The following HAUS8 variants were observed in gnomAD, a reference collection of about 807,000 sequenced individuals.
HAUS8 encodes HAUS augmin like complex subunit 8.
In HAUS8, 38 loss-of-function variants were observed where a neutral mutation model predicts 42.9. The ratio of observed to expected loss-of-function variants is 0.89; its 90% CI spans 0.68 to 1.16. The LOEUF (loss-of-function observed/expected upper bound fraction) is 1.16. HAUS8 is among the 50% of genes most tolerant of loss of function. The probability of loss-of-function intolerance (pLI) is 0.00; values close to 1 mark genes in which losing one functional copy is unlikely to be tolerated. For missense variants in HAUS8, 494 were observed against 511.6 expected (o/e 0.97, Z 0.33); for synonymous variants, 199 against 205.8 (o/e 0.97, Z 0.28).
At chr19:17,068,564 C>T (rs1329607835) in intron 3 of HAUS8, among the ~76,000 whole-genome samples, 1 of 152,124 alleles carries the variant, frequency 6.6e-6, no homozygotes, top group Non-Finnish European at 1.5e-5. Flanking sequence ...CTCAGTAGCT[C>T]AAGATCAGCC....
Position 17,069,016 on chromosome 19 carries a change from T to C in HAUS8, c.147+15A>G. 1 of 1,610,884 alleles carries C rather than the reference T, an allele frequency of 6.2e-7. No individual in the cohort carries two copies. On this transcript the variant is annotated intron_variant, in intron 3 of 10. Transcript: ENST00000253669. The stretch of plus-strand genomic sequence containing the variant: ...GCTCAGAACTGCTGCAAATGGAAGC[T>C]GGGTGCGGCCTTACCTTTTGGGTTG...
intron 8 of HAUS8, among the ~76,000 whole-genome samples, chr19:17,058,271 G>A (rs11086052): frequency 0.32 from 49,336 of 152,182 alleles, 8,410 homozygotes; most frequent in South Asian, 0.46. Context: ...ACGTCATCCT[G>A]TTGCTGCTCA....
chr19:17,073,999 C>CAATA (rs2057446358), intron 1 of HAUS8: 1 of 146,230 alleles, frequency 6.8e-6, no homozygotes, highest in South Asian at 2.2e-4. Context: ...GACTCCGTCT[C>CAATA]AATAAATAAA....
Position 17,059,779 on chromosome 19 carries a change from A to C in HAUS8, c.326-128T>G, listed in dbSNP as rs1053600820. ...CATAAATTGAGGAGTATATGGACTT[A>C]TAACAGTCCAGTTAAAGTTGTTCAA... On this transcript the variant is annotated intron_variant, in intron 5 of 10. Transcript: ENST00000253669. 7.9e-5 allele frequency: 55 copies of C among 699,250 alleles called. No homozygotes were observed. In the African/African-American group the frequency reaches 9.9e-4, roughly 13 times the overall value. 43.3% of individuals were successfully genotyped at this position (699,250 alleles called of 1,614,324 possible).
chr19:17,066,633 C>T (rs1003899678), intron 3 of HAUS8, among the ~76,000 whole-genome samples: 1 of 152,114 alleles, frequency 6.6e-6, no homozygotes, highest in African/African-American at 2.4e-5. Context: ...GGAAGATACC[C>T]AGCTGGTGGC....
At chr19:17,067,330 G>C (rs954851638) in intron 3 of HAUS8, among the ~76,000 whole-genome samples, 2 of 152,112 alleles carry the variant, frequency 1.3e-5, no homozygotes, top group Non-Finnish European at 2.9e-5. Context: ...CCACAGATAT[G>C]ACCTTCTAAA....
chr19:17,073,183 C>A (rs1443450161), intron 2 of HAUS8, 91 bp downstream of exon 2: 3 of 1,131,856 alleles, frequency 2.7e-6, no homozygotes, highest in African/African-American at 3.1e-5. Context: ...AAGCCACAGG[C>A]CCCCTTCTCT....
At chr19:17,069,560 C>A (rs149198965) in intron 2 of HAUS8, among the ~76,000 whole-genome samples, 15 of 151,602 alleles carry the variant, frequency 9.9e-5, no homozygotes, top group South Asian at 4.2e-4. Flanking sequence ...CTGAGACATG[C>A]CCAACACCCA....
At chr19:17,057,862 G>A (rs749315485) in intron 8 of HAUS8, among the ~76,000 whole-genome samples, 6 of 152,160 alleles carry the variant, frequency 3.9e-5, no homozygotes, top group Non-Finnish European at 8.8e-5. Flanking sequence ...AACACGACTG[G>A]TGTCTTGTGG....
At chr19:17,050,466 T>C (rs1028623162) in intron 10 of HAUS8, among the ~76,000 whole-genome samples, 1 of 152,096 alleles carries the variant, frequency 6.6e-6, no homozygotes, top group Non-Finnish European at 1.5e-5. Context: ...CATTAAAAAT[T>C]AATCCCCTGG....
At chr19:17,070,449 C>T (rs182239169) in intron 2 of HAUS8, among the ~76,000 whole-genome samples, 3 of 152,318 alleles carry the variant, frequency 2.0e-5, no homozygotes, top group Admixed American at 1.3e-4. Context: ...CCCTGTGCCA[C>T]CAACAACTTG....
At chr19:17,068,302 C>T (rs570491349) in intron 3 of HAUS8, among the ~76,000 whole-genome samples, 11 of 151,878 alleles carry the variant, frequency 7.2e-5, no homozygotes, top group Admixed American at 5.2e-4. Flanking sequence ...TTAGTTGAGA[C>T]GGGGTTTCGC....
Position 17,075,444 on chromosome 19 carries a change from GC to G in HAUS8, c.-23del. On this transcript the variant is annotated 5_prime_UTR_variant, in exon 1 of 11. Coordinates refer to ENST00000253669, the MANE Select transcript of HAUS8 (RefSeq NM_033417.2). ...CCATTTTCCCGCCTTCCACCTCAAG[GC>G]CCGACCCGCCGGCTTTTCAAAGCCG... The G allele has an allele frequency of 6.2e-7, 1 of 1,613,138 alleles. No homozygotes were observed.
intron 10 of HAUS8, among the ~76,000 whole-genome samples, chr19:17,050,551 G>A (rs1265717461): frequency 1.3e-5 from 2 of 152,278 alleles, no homozygotes; most frequent in Non-Finnish European, 2.9e-5. Flanking sequence ...CTTGAGGCCA[G>A]GAGTTCGAGA....
chr19:17,068,974 C>T lies in HAUS8; in HGVS notation c.147+57G>A, dbSNP rs112353191. ...CCTCCCATGACTAGTTTCGGAATTC[C>T]AGTTGCTCAGAACCTTGCTCAGAAC... On this transcript the variant is annotated intron_variant, in intron 3 of 10. Coordinates refer to ENST00000253669, the MANE Select transcript of HAUS8 (RefSeq NM_033417.2). 2,216 of 1,521,962 alleles carry T rather than the reference C, an allele frequency of 1.5e-3. 16 individuals are homozygous for T. The African/African-American group carries it at 0.026, about 18-fold the overall frequency. 94.3% of individuals were successfully genotyped at this position (1,521,962 alleles called of 1,614,324 possible). A position where few individuals can be genotyped will look rare whatever the true frequency, so the allele number is the denominator to read the frequency against.
intron 10 of HAUS8, among the ~76,000 whole-genome samples, chr19:17,050,393 T>C (rs2057280254): frequency 6.6e-6 from 1 of 152,010 alleles, no homozygotes; most frequent in Non-Finnish European, 1.5e-5. Flanking sequence ...ATCCAAGAAA[T>C]GTTCATGGAG....
At chr19:17,072,104 C>A (rs540708483) in intron 2 of HAUS8, among the ~76,000 whole-genome samples, 1 of 152,128 alleles carries the variant, frequency 6.6e-6, no homozygotes, top group Non-Finnish European at 1.5e-5. Context: ...CTGTTATATG[C>A]GAGATTAACA....
intron 2 of HAUS8, among the ~76,000 whole-genome samples, chr19:17,071,251 G>A (rs1043419153): frequency 3.3e-5 from 5 of 152,160 alleles, no homozygotes; most frequent in African/African-American, 1.2e-4. Context: ...GGGGACTGGG[G>A]TTGCAGCTGC....
chr19:17,050,260 G>A lies in HAUS8; in HGVS notation c.930-84C>T, dbSNP rs551281610. On this transcript the variant is annotated intron_variant, in intron 10 of 10. Coordinates refer to ENST00000253669, the MANE Select transcript of HAUS8 (RefSeq NM_033417.2). The stretch of plus-strand genomic sequence containing the variant: ...GTGGTGAACGGAGGGCTGCCACACG[G>A]GGAGGCGGATTTTCACATGCCCTAC... 313 of 1,082,604 alleles carry A rather than the reference G, an allele frequency of 2.9e-4. No individual in the cohort carries two copies. The Middle Eastern group carries it at 4.0e-3, about 14-fold the overall frequency. 67.1% of individuals were successfully genotyped at this position (1,082,604 alleles called of 1,614,324 possible). A position where few individuals can be genotyped will look rare whatever the true frequency, so the allele number is the denominator to read the frequency against.
Sources: gnomAD v4.1 joint callset for allele counts (sites outside exome capture counted in the v4.1 genomes callset) on GRCh38, gnomAD v4.1.1 for gene constraint, MANE v1.5 for transcripts, NCBI Gene and HGNC (gene_info 2026-07-23, HGNC 2026-07-21) for gene names.